Variants in LIN7A observed in about 807,000 individuals in gnomAD.
LIN7A encodes the protein protein lin-7 homolog A.
LIN7A carries 25 observed loss-of-function variants against 29.8 expected under a neutral mutation model. That is an observed-to-expected ratio of 0.84 (90% CI 0.61 to 1.17). The LOEUF (loss-of-function observed/expected upper bound fraction) is 1.17, where lower values mean the gene tolerates loss of function less well. Among genes scored for constraint, LIN7A ranks in the 50% most tolerant of loss-of-function variants. LIN7A has a pLI of 0.00. For missense variants in LIN7A, 239 were observed against 287.0 expected, an observed-to-expected ratio of 0.83 and a Z score of 1.21; for synonymous variants, 118 against 107.5, an observed-to-expected ratio of 1.10 and a Z score of -0.60.
intron 5 of LIN7A, among the ~76,000 whole-genome samples, chr12:80,807,078 T>TTTTTTTTTTG (rs1592848521): frequency 1.7e-5 from 2 of 115,098 alleles, no homozygotes; most frequent in African/African-American, 8.1e-5. Context: ...TTTTTTTTTT[T>TTTTTTTTTTG]TTTTTTTTTT....
At chr12:80,803,589 A>T (rs1870824394) in intron 5 of LIN7A, among the ~76,000 whole-genome samples, 1 of 152,154 alleles carries the variant, frequency 6.6e-6, no homozygotes, top group South Asian at 2.1e-4. Flanking sequence ...CTTTATGCTC[A>T]AAGTTGATTT....
At chr12:80,876,986 G>T (rs1377121756) in intron 2 of LIN7A, among the ~76,000 whole-genome samples, 2 of 151,920 alleles carry the variant, frequency 1.3e-5, no homozygotes, top group Non-Finnish European at 2.9e-5. Flanking sequence ...GCTGGGCATG[G>T]TGGCACATGC....
At chr12:80,800,469 G>C (rs1405138159) in intron 5 of LIN7A, among the ~76,000 whole-genome samples, 2 of 104,606 alleles carry the variant, frequency 1.9e-5, no homozygotes, top group East Asian at 6.6e-4. Context: ...AGCCTGGGCA[G>C]CAAGAGTGAA....
At chr12:80,930,299 T>C (rs1877828783) in intron 1 of LIN7A, among the ~76,000 whole-genome samples, 3 of 152,204 alleles carry the variant, frequency 2.0e-5, no homozygotes, top group South Asian at 4.1e-4. Context: ...ATATTTATTT[T>C]TATTGGACAA....
At chr12:80,933,632 C>A (rs568247165) in intron 1 of LIN7A, among the ~76,000 whole-genome samples, 6 of 152,262 alleles carry the variant, frequency 3.9e-5, no homozygotes, top group African/African-American at 1.4e-4. Context: ...TTACACATCC[C>A]ATTTTTCATA....
intron 2 of LIN7A, among the ~76,000 whole-genome samples, chr12:80,850,167 T>C (rs1873260773): frequency 6.6e-6 from 1 of 152,118 alleles, no homozygotes; most frequent in African/African-American, 2.4e-5. Flanking sequence ...AGCAATACTG[T>C]GTAGTAGATA....
intron 4 of LIN7A, among the ~76,000 whole-genome samples, chr12:80,830,137 C>G (rs762464098): frequency 1.1e-4 from 16 of 152,174 alleles, no homozygotes; most frequent in Non-Finnish European, 2.1e-4. Flanking sequence ...CTTGTGATGT[C>G]TCTTTCACCT....
intron 1 of LIN7A, among the ~76,000 whole-genome samples, chr12:80,926,776 G>T (rs1483975300): frequency 6.6e-6 from 1 of 151,604 alleles, no homozygotes; most frequent in African/African-American, 2.4e-5. Flanking sequence ...AAAAATACAA[G>T]AAATTAGCCG....
chr12:80,805,983 TAG>T (rs1491151610), intron 5 of LIN7A, among the ~76,000 whole-genome samples: 8,574 of 128,188 alleles, frequency 0.067, 13 homozygotes, highest in Non-Finnish European at 0.085. Context: ...GAGGCTGAGG[TAG>T]GAGAATCGCT....
chr12:80,852,674 C>A (rs763352106), intron 2 of LIN7A, among the ~76,000 whole-genome samples: 20 of 152,240 alleles, frequency 1.3e-4, no homozygotes, highest in Non-Finnish European at 2.9e-4. Context: ...TTTGAAAAAA[C>A]TTTGAATTTA....
chr12:80,844,167 T>A (rs1872952742), intron 4 of LIN7A, among the ~76,000 whole-genome samples: 2 of 151,938 alleles, frequency 1.3e-5, no homozygotes, highest in Admixed American at 6.6e-5. Flanking sequence ...AGCTCTAGAG[T>A]CCTCTACCAG....
intron 1 of LIN7A, among the ~76,000 whole-genome samples, chr12:80,918,860 A>T (rs1190774622): frequency 6.6e-6 from 1 of 152,238 alleles, no homozygotes; most frequent in East Asian, 1.9e-4. Context: ...TGCATATATG[A>T]TAATGATCTC....
chr12:80,883,649 C>A (rs1340415598), intron 2 of LIN7A, among the ~76,000 whole-genome samples: 1 of 152,120 alleles, frequency 6.6e-6, no homozygotes, highest in East Asian at 1.9e-4. Flanking sequence ...TTATTGGCTA[C>A]CACACACTGT....
chr12:80,814,669 C>T (rs1244208332), intron 4 of LIN7A, among the ~76,000 whole-genome samples: 1 of 152,106 alleles, frequency 6.6e-6, no homozygotes, highest in Non-Finnish European at 1.5e-5. Context: ...GCTGGTGCAC[C>T]ACACACCAGG....
At chr12:80,834,678 TAA>T (rs1592875671) in intron 4 of LIN7A, among the ~76,000 whole-genome samples, 1 of 152,342 alleles carries the variant, frequency 6.6e-6, no homozygotes, top group East Asian at 1.9e-4. Context: ...ACATTTGAGT[TAA>T]AGTTTGGTTA....
chr12:80,918,504 C>T (rs1208321625), intron 1 of LIN7A, among the ~76,000 whole-genome samples: 15 of 151,978 alleles, frequency 9.9e-5, no homozygotes, highest in Non-Finnish European at 1.8e-4. Context: ...TGTCTGGGAC[C>T]CCTTGCTCCC....
chr12:80,821,395 CT>C (rs553473404), intron 4 of LIN7A, among the ~76,000 whole-genome samples: 22 of 148,740 alleles, frequency 1.5e-4, no homozygotes, highest in South Asian at 6.4e-4. Context: ...GTAAATTTTC[CT>C]TTTTTTTTTA....
At chr12:80,936,728 C>T (rs577691394) in intron 1 of LIN7A, 1 of 39,604 alleles carries the variant, frequency 2.5e-5, no homozygotes, top group Non-Finnish European at 6.9e-5. Context: ...GGACTCCATC[C>T]CTGAGCTTGT....
chr12:80,861,517 G>A (rs371125639), intron 2 of LIN7A: 100 of 152,564 alleles, frequency 6.6e-4, no homozygotes, highest in African/African-American at 2.2e-3. Flanking sequence ...GGCCATGAAC[G>A]GAGGTCTGGA....
Sources: allele counts gnomAD v4.1 joint callset (sites outside exome capture counted in the v4.1 genomes callset), GRCh38; gene constraint gnomAD v4.1.1; transcripts MANE v1.5; gene names NCBI Gene and HGNC (gene_info 2026-07-23, HGNC 2026-07-21).